Variants in URB2 observed in about 807,000 individuals in gnomAD.
The protein encoded by URB2 is URB2 ribosome biogenesis homolog.
A neutral mutation model predicts 120.9 loss-of-function variants in URB2; 86 were observed. The observed-to-expected ratio is 0.71, with a 90% CI of 0.60 to 0.85. URB2 has a LOEUF of 0.85. URB2 is among the 40% of genes least tolerant of loss of function. The pLI is 0.00. For missense variants in URB2, 1,765 were observed against 1,836.5 expected (o/e 0.96, Z 0.71); for synonymous variants, 755 against 758.4 (o/e 1.00, Z 0.07).
At position 229,636,286 on chromosome 1, in the gene URB2, G is replaced by A; in HGVS notation, c.1673G>A (p.Ser558Asn). 1 of 1,614,156 alleles carries A rather than the reference G, an allele frequency of 6.2e-7. No individual in the cohort carries two copies. The highest frequency in any genetic ancestry group is 8.5e-7 in the Non-Finnish European group (1 of 1,179,992). ...ATGTTCAACATGAGGAGCCTGGACA[G>A]CAGCACGCCTCTGCCCATTGTCAGA... is the stretch of plus-strand genomic sequence containing the variant. ...CIMFNMRSLD[S>N]STPLPIVRRT... Residue 558 changes from serine to asparagine, a missense_variant, in exon 4 of 10, where the codon AGC becomes AAC. Transcript: ENST00000258243.
Position 229,647,590 on chromosome 1 carries a change from G to A in URB2, c.3987G>A (p.Leu1329=). The A allele has an allele frequency of 6.2e-7, 1 of 1,614,212 alleles. No individual in the cohort carries two copies. Among genetic ancestry groups the A allele is most frequent in the Non-Finnish European group, 8.5e-7 (1 of 1,180,036 alleles). ...CTGTCTTAGATGTCCTGGCTGCACT[G>A]CTGCGGCAGGGGGAGGAGGCCATCG... is the stretch of plus-strand genomic sequence containing the variant. The part of the protein sequence containing the change: ...VGPVLDVLAA[L]LRQGEEAIGN... The change falls in exon 7 of 10, where the codon CTG becomes CTA. Residue 1329 remains leucine, a synonymous_variant. Transcript: ENST00000258243.
chr1:229,627,375 A>G (rs1665524057), intron 1 of URB2, among the ~76,000 whole-genome samples: 1 of 152,234 alleles, frequency 6.6e-6, no homozygotes, highest in South Asian at 2.1e-4. Context: ...TGGAATACAT[A>G]TAGTCCATCT....
chr1:229,648,424 A>G (rs1666201557), intron 7 of URB2, among the ~76,000 whole-genome samples: 1 of 152,210 alleles, frequency 6.6e-6, no homozygotes, highest in African/African-American at 2.4e-5. Flanking sequence ...ACTCGCATAG[A>G]TCCCTTGCTG....
Position 229,627,733 on chromosome 1 carries a change from C to T in URB2, c.100C>T (p.Gln34Ter), listed in dbSNP as rs1198150425. The T allele has an allele frequency of 1.9e-6, 3 of 1,611,238 alleles. No individual in the cohort carries two copies. Among genetic ancestry groups the T allele is most frequent in the African/African-American group, 1.3e-5 (1 of 74,936 alleles). Residue 34 changes from glutamine (Q) to a stop codon, truncating the protein, a stop_gained, in exon 2 of 10, where the codon CAG becomes TAG. Transcript: ENST00000258243. LOFTEE classifies it high-confidence loss of function. The stretch of plus-strand genomic sequence containing the variant: ...AGCTCACTTTGCTTGGATTTCTCAC[C>T]AGTGCTTTCTTCCAAATAAAGAACA... ...KLAHFAWISHQCFLPNKEQVL... is the reference protein window; with the variant it reads ...KLAHFAWISH
intron 4 of URB2, among the ~76,000 whole-genome samples, chr1:229,639,008 C>A (rs1221533616): frequency 6.6e-6 from 1 of 152,092 alleles, no homozygotes; most frequent in East Asian, 1.9e-4. Context: ...TGAAAATCTG[C>A]CAACTTTAAA....
chr1:229,653,102 GAAGA>G (rs1666320169), intron 8 of URB2, among the ~76,000 whole-genome samples: 2 of 152,194 alleles, frequency 1.3e-5, no homozygotes, highest in Non-Finnish European at 2.9e-5. Context: ...TCTGAAAAGA[GAAGA>G]AACAGTCAAT....
chr1:229,655,400 A>C (rs1424448458), intron 9 of URB2, among the ~76,000 whole-genome samples: 1 of 151,998 alleles, frequency 6.6e-6, no homozygotes, highest in Non-Finnish European at 1.5e-5. Context: ...CGCCCAGTTA[A>C]TTTTTGTATT....
chr1:229,637,225 C>T lies in URB2; in HGVS notation c.2612C>T (p.Ala871Val), dbSNP rs1240800931. The T allele has an allele frequency of 1.9e-6, 3 of 1,613,522 alleles. No homozygotes were observed. Among genetic ancestry groups the T allele is most frequent in the African/African-American group, 2.7e-5 (2 of 74,912 alleles). The change falls in exon 4 of 10, where the codon GCC becomes GTC. Residue 871 changes from alanine (A) to valine (V), a missense_variant. By Grantham distance (64) the Ala-to-Val change is moderately conservative. Coordinates refer to ENST00000258243, the MANE Select transcript of URB2 (RefSeq NM_014777.4). Reference sequence around the variant, plus strand: ...GGTATAGAACCTAGAGGAGAAATTGCCCAGAACTTACTGTCCCTGGTCAAG... The same window carrying T: ...GGTATAGAACCTAGAGGAGAAATTGTCCAGAACTTACTGTCCCTGGTCAAG... The part of the protein sequence containing the change: ...PEGIEPRGEI[A>V]QNLLSLVKSD...
At chr1:229,654,097 C>A in intron 8 of URB2, 152 bp from the exon 9 acceptor site, 1 of 1,092,818 alleles carries the variant, frequency 9.2e-7, no homozygotes, top group East Asian at 2.6e-5. Flanking sequence ...ATCTGTTCTC[C>A]CTTATTCTGT....
Sources: allele counts gnomAD v4.1 joint callset (sites outside exome capture counted in the v4.1 genomes callset), GRCh38; gene constraint gnomAD v4.1.1; transcripts MANE v1.5; gene names NCBI Gene and HGNC (gene_info 2026-07-23, HGNC 2026-07-21).